MEST: variants seen among roughly 807,000 people sequenced by gnomAD.
MEST encodes mesoderm specific transcript.
A neutral mutation model predicts 50.9 loss-of-function variants in MEST; 18 were observed. That is an observed-to-expected ratio of 0.35 (90% CI 0.24 to 0.52). The LOEUF is 0.52. MEST is among the 20% of genes least tolerant of loss of function. MEST has a pLI of 0.94. For synonymous variants in MEST, 130 were observed against 154.1 expected (o/e 0.84, Z 1.16); for missense variants, 282 against 425.3 (o/e 0.66, Z 2.96).
rs1584948468 is a variant in MEST at position 130,500,018 on chromosome 7, A to G, written c.576+103A>G. ...AGCTCCTGTAACTGGCAGTAGTTAA[A>G]TCCTCTTCCTTGTGAATTTCTATTA... On this transcript the variant is annotated intron_variant, in intron 7 of 11. Coordinates refer to ENST00000223215, the MANE Select transcript of MEST (RefSeq NM_002402.4). The surrounding 1 kb of genome is among the most constrained non-coding windows in gnomAD (Gnocchi z 5.0). The G allele has an allele frequency of 6.3e-6, 6 of 954,176 alleles. No individual in the cohort carries two copies. In the East Asian group the frequency reaches 1.0e-4, roughly 16 times the overall value. The allele number at this position is 954,176 out of a possible 1,614,324, so 59.1% of individuals were successfully genotyped here. A position where few individuals can be genotyped will look rare whatever the true frequency, so the allele number is the denominator to read the frequency against.
In MEST at chr7:130,492,570, C is replaced by A. The variant is rs112154169; in HGVS notation, c.26+231C>A. ...CCTCCTTGGGTTAGGATTTCTAGACCCCGGGATCGTCGTGGTGAGATTTAG... is the reference window on the plus strand; with the variant it reads ...CCTCCTTGGGTTAGGATTTCTAGACACCGGGATCGTCGTGGTGAGATTTAG... On this transcript the variant is annotated intron_variant, in intron 1 of 11. Transcript: ENST00000223215. This position sits in a 1 kb window ranked among gnomAD's most constrained non-coding sequence, Gnocchi z 7.6. The A allele has an allele frequency of 0.021, 7,925 of 381,940 alleles. 114 individuals are homozygous for A. Among genetic ancestry groups the A allele is most frequent in the Non-Finnish European group, 0.025 (5,327 of 215,984 alleles). 23.7% of individuals were successfully genotyped at this position (381,940 alleles called of 1,614,324 possible).
At chr7:130,498,501 A>G (rs1554437780) in intron 6 of MEST, 24 bp downstream of exon 6, 2 of 1,610,132 alleles carry the variant, frequency 1.2e-6, no homozygotes, top group Admixed American at 3.3e-5. Context: ...CGGTAGGTAG[A>G]AAGTGGGTGT....
At chr7:130,504,127 A>AC in intron 11 of MEST, 131 bp downstream of exon 11, 1 of 673,822 alleles carries the variant, frequency 1.5e-6, no homozygotes, top group Non-Finnish European at 2.6e-6. Flanking sequence ...CCAGGAAACA[A>AC]TAAAAAGATT....
At chr7:130,488,147 T>G (rs1171155279), upstream of MEST, 4 of 152,186 alleles carry the variant, frequency 2.6e-5, no homozygotes, top group African/African-American at 9.7e-5. Context: ...TGGAGCCTTA[T>G]TTTACATCAG....
chr7:130,503,839 G>T, intron 10 of MEST, 94 bp from the exon 11 acceptor site: 1 of 961,622 alleles, frequency 1.0e-6, no homozygotes, highest in South Asian at 1.4e-5. Flanking sequence ...AAAGGAAGAA[G>T]AAAACATTTC....
intron 1 of MEST, among the ~76,000 whole-genome samples, chr7:130,495,112 G>C (rs1688827448): frequency 6.6e-6 from 1 of 152,124 alleles, no homozygotes; most frequent in Non-Finnish European, 1.5e-5. Context: ...GTTAAAGTCG[G>C]GGAGCAGAGG....
chr7:130,505,248 T>C lies in MEST; in HGVS notation c.*192T>C. 1.9e-6 allele frequency: 1 copy of C among 533,936 alleles called. No individual in the cohort carries two copies. 33.1% of individuals were successfully genotyped at this position (533,936 alleles called of 1,614,324 possible). Reference sequence around the variant, plus strand: ...GCTCTGACTAAGGTTGACATAATAGTCCACCTCCCATTACTTTGATATCTG... The same window carrying C: ...GCTCTGACTAAGGTTGACATAATAGCCCACCTCCCATTACTTTGATATCTG... On this transcript the variant is annotated 3_prime_UTR_variant, in exon 12 of 12. Transcript: ENST00000223215.
At chr7:130,486,684 A>G (rs1554433800) in intron 1 of MEST, 1 of 152,220 alleles carries the variant, frequency 6.6e-6, no homozygotes. Context: ...TAGAGAACAC[A>G]AAAGTCACAC....
rs1799119669 is a variant in MEST, at chr7:130,497,750, GATTA to G, written c.262-181_262-178del. The G allele has an allele frequency of 3.2e-6, 2 of 618,396 alleles. No homozygotes were observed. Among genetic ancestry groups the G allele is most frequent in the African/African-American group, 1.8e-5 (1 of 54,364 alleles). 38.3% of individuals were successfully genotyped at this position (618,396 alleles called of 1,614,324 possible). On this transcript the variant is annotated intron_variant, in intron 3 of 11. Coordinates refer to ENST00000223215, the MANE Select transcript of MEST (RefSeq NM_002402.4). The surrounding 1 kb of genome is among the most constrained non-coding windows in gnomAD (Gnocchi z 4.0). Reference sequence around the variant, plus strand: ...TGCCAAGTTACCCTCCCTCAACAGGGATTAATTACCAGGAATAAAGCATTTTCCA... The same window carrying G: ...TGCCAAGTTACCCTCCCTCAACAGGGATTACCAGGAATAAAGCATTTTCCA...
upstream of MEST, chr7:130,487,171 A>G (rs1798651276): frequency 6.6e-6 from 1 of 152,000 alleles, no homozygotes; most frequent in Non-Finnish European, 1.5e-5. Flanking sequence ...GCTCCCAGGC[A>G]GCTAGAAAAT....
In MEST at chr7:130,497,373, A is replaced by G; in HGVS notation, c.261+138A>G. Reference sequence around the variant, plus strand: ...GGAGTTTGAGACCAGCCAGGCCAACATGGCAAAACCCCATCTCTACTAAAA... The same window carrying G: ...GGAGTTTGAGACCAGCCAGGCCAACGTGGCAAAACCCCATCTCTACTAAAA... On this transcript the variant is annotated intron_variant, in intron 3 of 11. Transcript: ENST00000223215. This position sits in a 1 kb window ranked among gnomAD's most constrained non-coding sequence, Gnocchi z 4.0. 5.3e-6 allele frequency: 3 copies of G among 570,332 alleles called. No individual in the cohort carries two copies. Among genetic ancestry groups the G allele is most frequent in the Middle Eastern group, 4.6e-4 (1 of 2,162 alleles). 35.3% of individuals were successfully genotyped at this position (570,332 alleles called of 1,614,324 possible).
chr7:130,502,802 AC>A, intron 10 of MEST, 82 bp downstream of exon 10: 1 of 990,052 alleles, frequency 1.0e-6, no homozygotes, highest in Non-Finnish European at 1.5e-6. Context: ...AATTAGGGTT[AC>A]CAGATTTAGC....
chr7:130,502,836 G>A (rs910427629), intron 10 of MEST, 116 bp downstream of exon 10: 26 of 684,348 alleles, frequency 3.8e-5, no homozygotes, highest in Middle Eastern at 5.1e-4. Context: ...AAGATACCCA[G>A]TTAAATTTGA....
chr7:130,497,176 A>G lies in MEST; in HGVS notation c.202A>G (p.Ser68Gly). 2 of 1,613,066 alleles carry G rather than the reference A, an allele frequency of 1.2e-6. No individual in the cohort carries two copies. The highest frequency in any genetic ancestry group is 1.7e-6 in the Non-Finnish European group (2 of 1,179,518). Residue 68 changes from serine to glycine, a missense_variant, in exon 3 of 12, where the codon AGT becomes GGT. Coordinates refer to ENST00000223215, the MANE Select transcript of MEST (RefSeq NM_002402.4). This position sits in a 1 kb window ranked among gnomAD's most constrained non-coding sequence, Gnocchi z 4.0. ...FYQDSVGVVG[S>G]PEIVVLLHGF... ...CCTAGACTCTGTGGGTGTGGTTGGA[A>G]GTCCAGAGATAGTTGTGCTTTTACA...
upstream of MEST, chr7:130,489,073 G>A (rs1798708472): frequency 6.6e-6 from 1 of 152,152 alleles, no homozygotes; most frequent in Non-Finnish European, 1.5e-5. Context: ...TAAATATCCT[G>A]CACTTGTCAT....
intron 1 of MEST, chr7:130,494,860 C>G: frequency 4.2e-6 from 4 of 955,594 alleles, no homozygotes; most frequent in Non-Finnish European, 5.0e-6. Context: ...TAAGTTACTA[C>G]ACACACACAC....
chr7:130,492,417 C>A lies in MEST; in HGVS notation c.26+78C>A. ...CGCAGGCGAGCGGAGGACTGTGTGCCCGTGTCCGAGCTGGGGCTGCCTCTG... is the reference window on the plus strand; with the variant it reads ...CGCAGGCGAGCGGAGGACTGTGTGCACGTGTCCGAGCTGGGGCTGCCTCTG... On this transcript the variant is annotated intron_variant, in intron 1 of 11. Transcript: ENST00000223215. The surrounding 1 kb of genome is among the most constrained non-coding windows in gnomAD (Gnocchi z 7.6). 1 of 1,182,220 alleles carries A rather than the reference C, an allele frequency of 8.5e-7. No homozygotes were observed. Among genetic ancestry groups the A allele is most frequent in the South Asian group, 4.1e-5 (1 of 24,292 alleles). 73.2% of individuals were successfully genotyped at this position (1,182,220 alleles called of 1,614,324 possible). A position where few individuals can be genotyped will look rare whatever the true frequency, so the allele number is the denominator to read the frequency against.
chr7:130,495,399 C>T lies in MEST; in HGVS notation c.58C>T (p.Leu20=). 6.2e-7 allele frequency: 1 copy of T among 1,612,922 alleles called. No individual in the cohort carries two copies. The highest frequency in any genetic ancestry group is 1.1e-5 in the South Asian group (1 of 90,794). ...GGAGTGGTGGGTCCAGGTGGGGCTG[C>T]TGGCCGTGCCCCTGCTTGCTGCGTA... ...MREWWVQVGL[L]AVPLLAAYLH... is the part of the protein sequence containing the mutation. The change falls in exon 2 of 12, where the codon CTG becomes TTG. Residue 20 remains leucine, a synonymous_variant. Transcript: ENST00000223215.
intron 10 of MEST, among the ~76,000 whole-genome samples, chr7:130,503,079 C>A (rs1033157837): frequency 1.1e-4 from 16 of 152,166 alleles, no homozygotes; most frequent in Non-Finnish European, 2.2e-4. Flanking sequence ...TTACTGATTT[C>A]TGTGGTGTGC....
Sources: allele counts gnomAD v4.1 joint callset (sites outside exome capture counted in the v4.1 genomes callset), GRCh38; gene constraint gnomAD v4.1.1; non-coding constraint Gnocchi (gnomAD v3.1); transcripts MANE v1.5; gene names NCBI Gene and HGNC (gene_info 2026-07-23, HGNC 2026-07-21).